CTNNA2: variants seen among roughly 807,000 people sequenced by gnomAD.
The protein encoded by CTNNA2 is catenin alpha 2.
A neutral mutation model predicts 101.0 loss-of-function variants in CTNNA2; 42 were observed. The observed-to-expected ratio is 0.42, with a 90% CI of 0.32 to 0.54. CTNNA2 has a LOEUF of 0.54. CTNNA2 is among the 20% of genes least tolerant of loss of function. The probability of loss-of-function intolerance (pLI) is 0.14; values close to 1 mark genes in which losing one functional copy is unlikely to be tolerated. For synonymous variants in CTNNA2, 450 were observed against 456.4 expected (o/e 0.99, Z 0.18); for missense variants, 871 against 1,223.1 (o/e 0.71, Z 4.29).
intron 7 of CTNNA2, among the ~76,000 whole-genome samples, chr2:80,067,477 G>A (rs1026444580): frequency 6.6e-4 from 100 of 152,088 alleles, no homozygotes; most frequent in Non-Finnish European, 1.2e-3. Flanking sequence ...TTATTCTGGT[G>A]TGATTTGTTT....
intron 12 of CTNNA2, among the ~76,000 whole-genome samples, chr2:80,569,633 G>GTTTTTTGTTTTTTTT (rs1553392642): frequency 1.7e-4 from 9 of 51,742 alleles, no homozygotes; most frequent in African/African-American, 5.5e-4. Context: ...GGGTATTTAG[G>GTTTTTTGTTTTTTTT]TTTTTTTTTT....
chr2:80,218,479 T>TA (rs1340423327), intron 7 of CTNNA2, among the ~76,000 whole-genome samples: 1 of 152,216 alleles, frequency 6.6e-6, no homozygotes, highest in Non-Finnish European at 1.5e-5. Context: ...ACCAATGTAT[T>TA]AAAAGGTGAA....
intron 4 of CTNNA2, among the ~76,000 whole-genome samples, chr2:79,496,159 T>C (rs1425585263): frequency 6.6e-6 from 1 of 152,184 alleles, no homozygotes; most frequent in Non-Finnish European, 1.5e-5. Flanking sequence ...CAAATAATAT[T>C]CTAAAAAGTA....
intron 2 of CTNNA2, among the ~76,000 whole-genome samples, chr2:79,724,788 CG>C (rs1434607888): frequency 1.5e-5 from 2 of 130,788 alleles, no homozygotes; most frequent in Non-Finnish European, 3.1e-5. Flanking sequence ...GCATTCCAGC[CG>C]GGGCGACAGA....
intron 2 of CTNNA2, among the ~76,000 whole-genome samples, chr2:79,264,207 C>T (rs953045724): frequency 1.3e-5 from 2 of 152,070 alleles, no homozygotes; most frequent in African/African-American, 4.8e-5. Context: ...TCCTAGTGTG[C>T]TATGTGGTAG....
intron 12 of CTNNA2, among the ~76,000 whole-genome samples, chr2:80,560,786 T>G (rs1693514959): frequency 6.6e-6 from 1 of 152,206 alleles, no homozygotes; most frequent in Admixed American, 6.5e-5. Flanking sequence ...TAGTATGGTA[T>G]GTCCTCTTCA....
At position 79,632,578 on chromosome 2, in the gene CTNNA2, C is replaced by T. The variant is rs534959550; in HGVS notation, c.-5-18974C>T. Among the ~76,000 whole-genome samples the T allele has an allele frequency of 3.3e-3, 501 of 152,246 alleles. 3 individuals are homozygous for T. Among genetic ancestry groups the T allele is most frequent in the African/African-American group, 0.012 (484 of 41,532 alleles). ...TAATGTAAAAAACAATTCACGTGGC[C>T]CAAGGCCCAAGTTATGTTATGGGTT... On this transcript the variant is annotated intron_variant, in intron 1 of 18. Transcript: ENST00000402739.
At chr2:79,325,785 T>C (rs992930216) in intron 3 of CTNNA2, among the ~76,000 whole-genome samples, 8 of 152,220 alleles carry the variant, frequency 5.3e-5, no homozygotes, top group Non-Finnish European at 1.0e-4. Flanking sequence ...ATCATACTGC[T>C]GACCATTGCC....
upstream of CTNNA2, chr2:79,512,948 G>A (rs1362056496): frequency 5.9e-5 from 9 of 151,640 alleles, no homozygotes; most frequent in Non-Finnish European, 1.3e-4. Context: ...CGGCGATCCG[G>A]GCCGCTGCCG....
intron 7 of CTNNA2, among the ~76,000 whole-genome samples, chr2:80,354,389 C>T (rs540805891): frequency 9.2e-5 from 14 of 152,134 alleles, no homozygotes; most frequent in African/African-American, 3.4e-4. Context: ...CCATCATAAC[C>T]AAATCACTCA....
chr2:79,745,390 C>T (rs957701707), intron 3 of CTNNA2, among the ~76,000 whole-genome samples: 29 of 151,730 alleles, frequency 1.9e-4, no homozygotes, highest in South Asian at 2.1e-4. Flanking sequence ...AAGATCGCGC[C>T]GCTGCACTCC....
intron 3 of CTNNA2, among the ~76,000 whole-genome samples, chr2:79,785,662 G>C (rs907711573): frequency 6.6e-6 from 1 of 152,056 alleles, no homozygotes; most frequent in Non-Finnish European, 1.5e-5. Flanking sequence ...GGGATATTTA[G>C]TGTGTGTTTG....
At chr2:79,295,656 G>A (rs1195265041) in intron 2 of CTNNA2, among the ~76,000 whole-genome samples, 2 of 151,962 alleles carry the variant, frequency 1.3e-5, no homozygotes, top group African/African-American at 4.8e-5. Context: ...AGATGCTGAT[G>A]TGTTAGCTGG....
At chr2:80,334,445 G>A (rs1164520302) in intron 7 of CTNNA2, among the ~76,000 whole-genome samples, 2 of 152,158 alleles carry the variant, frequency 1.3e-5, no homozygotes, top group Non-Finnish European at 1.5e-5. Context: ...AGTTTCTGTA[G>A]GGTGAATATG....
chr2:80,597,952 G>A (rs1697130769), intron 15 of CTNNA2, among the ~76,000 whole-genome samples: 1 of 151,680 alleles, frequency 6.6e-6, no homozygotes, highest in African/African-American at 2.4e-5. Context: ...TACCATTACT[G>A]GACATACACC....
chr2:80,499,378 A>T (rs1013069836), intron 9 of CTNNA2, among the ~76,000 whole-genome samples: 1 of 152,178 alleles, frequency 6.6e-6, no homozygotes, highest in African/African-American at 2.4e-5. Flanking sequence ...TCAAGTTTTT[A>T]AAAATGTTCA....
chr2:79,971,233 A>G (rs1690457666), intron 7 of CTNNA2, among the ~76,000 whole-genome samples: 2 of 152,018 alleles, frequency 1.3e-5, no homozygotes, highest in South Asian at 2.1e-4. Context: ...ATAGTCAGCT[A>G]TTTCCTCCCC....
chr2:79,330,603 A>G (rs1676849266), intron 3 of CTNNA2, among the ~76,000 whole-genome samples: 1 of 152,156 alleles, frequency 6.6e-6, no homozygotes, highest in Admixed American at 6.5e-5. Flanking sequence ...TAGCTCCCAG[A>G]ATTCCCACGT....
chr2:79,623,568 A>C (rs749825270), intron 1 of CTNNA2, among the ~76,000 whole-genome samples: 23 of 152,190 alleles, frequency 1.5e-4, no homozygotes, highest in Admixed American at 6.5e-4. Flanking sequence ...TATCATCATC[A>C]CATGGATCAT....
Sources: gnomAD v4.1 joint callset for allele counts (sites outside exome capture counted in the v4.1 genomes callset) on GRCh38, gnomAD v4.1.1 for gene constraint, MANE v1.5 for transcripts, NCBI Gene and HGNC (gene_info 2026-07-23, HGNC 2026-07-21) for gene names.